RAD51B: variants seen among roughly 807,000 people sequenced by gnomAD.
The protein encoded by RAD51B is RAD51 paralog B.
A neutral mutation model predicts 42.2 loss-of-function variants in RAD51B; 38 were observed. The observed-to-expected ratio is 0.90, with a 90% CI of 0.70 to 1.18. The LOEUF is 1.18. Among genes scored for constraint, RAD51B ranks in the 50% most tolerant of loss-of-function variants. The pLI is 0.00. For missense variants in RAD51B, 373 were observed against 400.7 expected (o/e 0.93, Z 0.59); for synonymous variants, 154 against 145.2 (o/e 1.06, Z -0.43).
downstream of RAD51B, among the ~76,000 whole-genome samples, chr14:68,478,654 G>A (rs953248473): frequency 2.6e-5 from 4 of 152,244 alleles, no homozygotes; most frequent in African/African-American, 9.6e-5. Context: ...CAGGTTGTTA[G>A]TGACCTCAAG....
At chr14:67,889,230 T>C (rs555296771) in intron 7 of RAD51B, among the ~76,000 whole-genome samples, 90 of 151,972 alleles carry the variant, frequency 5.9e-4, no homozygotes, top group African/African-American at 2.1e-3. Context: ...TTTAAAAGGA[T>C]TTTGAAAAAT....
At chr14:68,456,051 A>G (rs2085678115) in intron 9 of RAD51B, among the ~76,000 whole-genome samples, 1 of 152,222 alleles carries the variant, frequency 6.6e-6, no homozygotes, top group African/African-American at 2.4e-5. Context: ...GGCAGCCTCT[A>G]AGAAAATAAC....
rs560836675 is a variant in RAD51B, at chr14:68,448,945, ATCTTCTAGGCTTTT to A, written c.958-19223_958-19210del. ...AGGGAAAATCCTCTAATGGTATATA[ATCTTCTAGGCTTTT>A]TCTATGCATATATCAAAATATTTAT... On this transcript the variant is annotated intron_variant, in intron 9 of 10. Coordinates refer to ENST00000471583, the MANE Select transcript of RAD51B (RefSeq NM_133510.4). Among the ~76,000 whole-genome samples the A allele has an allele frequency of 3.9e-3, 591 of 152,356 alleles. 1 individual carries two copies. The highest frequency in any genetic ancestry group is 0.013 in the African/African-American group (524 of 41,574).
At chr14:68,438,039 T>A (rs2085189793) in intron 9 of RAD51B, among the ~76,000 whole-genome samples, 1 of 151,854 alleles carries the variant, frequency 6.6e-6, no homozygotes, top group Admixed American at 6.6e-5. Context: ...TCGGGGAGGA[T>A]GGGGCCTGTA....
intron 10 of RAD51B, among the ~76,000 whole-genome samples, chr14:68,616,964 T>A (rs1168178688): frequency 6.6e-6 from 1 of 152,172 alleles, no homozygotes; most frequent in Non-Finnish European, 1.5e-5. Flanking sequence ...TTATGTATGT[T>A]TTTCTTAAAA....
At position 68,646,105 on chromosome 14, in the gene RAD51B, G is replaced by A. The variant is rs937059186; in HGVS notation, c.1037-4676G>A. On this transcript the variant is annotated intron_variant, in intron 10 of 11. Coordinates refer to the RAD51B transcript ENST00000488612. ...GCCAAATCTAGCAATCCAACCATAC[G>A]TACTATTCCCAGGAATGAAATTAAT... Among the ~76,000 whole-genome samples the A allele has an allele frequency of 4.6e-5, 7 of 151,288 alleles. No individual in the cohort carries two copies. The South Asian group carries it at 6.3e-4, about 14-fold the overall frequency.
chr14:68,652,914 C>G (rs1892731429), intron 11 of RAD51B, among the ~76,000 whole-genome samples: 1 of 152,234 alleles, frequency 6.6e-6, no homozygotes, highest in Non-Finnish European at 1.5e-5. Flanking sequence ...ACTGATACTT[C>G]TTAATCACAG....
rs148172656 is a variant in RAD51B at position 67,861,179 on chromosome 14, C to T, written c.316-3824C>T. The stretch of plus-strand genomic sequence containing the variant: ...CTGCACTCCAGCCTGGGTGACAGAG[C>T]GAGACCCTGTCACAAACCAAAACAA... On this transcript the variant is annotated intron_variant, in intron 4 of 10. Transcript: ENST00000471583. Among the ~76,000 whole-genome samples the T allele has an allele frequency of 8.5e-3, 1,280 of 150,216 alleles. 8 individuals carry two copies. Among genetic ancestry groups the T allele is most frequent in the Middle Eastern group, 0.014 (4 of 276 alleles).
intron 9 of RAD51B, among the ~76,000 whole-genome samples, chr14:68,419,570 T>A (rs2084646806): frequency 6.6e-6 from 1 of 152,178 alleles, no homozygotes; most frequent in Non-Finnish European, 1.5e-5. Flanking sequence ...AACTCCCCAG[T>A]CAAGTGACTT....
intron 8 of RAD51B, among the ~76,000 whole-genome samples, chr14:68,305,520 C>T (rs184467554): frequency 5.9e-5 from 9 of 152,328 alleles, no homozygotes; most frequent in Admixed American, 4.6e-4. Context: ...AAATCCAGAA[C>T]GTGAGGCCCA....
chr14:67,981,820 G>A (rs2075098523), intron 7 of RAD51B, among the ~76,000 whole-genome samples: 1 of 152,104 alleles, frequency 6.6e-6, no homozygotes, highest in Non-Finnish European at 1.5e-5. Context: ...GAGGAGAAAG[G>A]AATTACAAAG....
chr14:68,329,874 C>T (rs942051326), intron 8 of RAD51B, among the ~76,000 whole-genome samples: 2 of 150,248 alleles, frequency 1.3e-5, no homozygotes, highest in Non-Finnish European at 2.9e-5. Flanking sequence ...CCCAGCTACT[C>T]GGGAGGCTGA....
At chr14:68,108,542 A>G (rs374775769) in intron 7 of RAD51B, among the ~76,000 whole-genome samples, 2 of 151,984 alleles carry the variant, frequency 1.3e-5, no homozygotes, top group African/African-American at 4.8e-5. Context: ...CTTTTATACA[A>G]AATGTTCAGA....
At chr14:68,227,815 T>C (rs1444845871) in intron 7 of RAD51B, among the ~76,000 whole-genome samples, 1 of 152,182 alleles carries the variant, frequency 6.6e-6, no homozygotes, top group African/African-American at 2.4e-5. Flanking sequence ...CCTGTAAGTA[T>C]GATGGGCATG....
intron 7 of RAD51B, among the ~76,000 whole-genome samples, chr14:68,280,728 C>A (rs957508747): frequency 3.3e-5 from 5 of 152,118 alleles, no homozygotes; most frequent in African/African-American, 1.2e-4. Context: ...CATAAAAAGT[C>A]TTGTACTAAG....
intron 7 of RAD51B, among the ~76,000 whole-genome samples, chr14:68,191,093 T>A (rs137979226): frequency 6.6e-6 from 1 of 152,324 alleles, no homozygotes; most frequent in Non-Finnish European, 1.5e-5. Flanking sequence ...TATAAAAAAG[T>A]ACTTGTGTTA....
chr14:68,013,345 C>A (rs1293307732), intron 7 of RAD51B, among the ~76,000 whole-genome samples: 1 of 152,092 alleles, frequency 6.6e-6, no homozygotes, highest in Non-Finnish European at 1.5e-5. Context: ...TTCTATTTTG[C>A]TCTGTTGGCC....
At position 68,171,782 on chromosome 14, in the gene RAD51B, C is replaced by T. The variant is rs556248918; in HGVS notation, c.757-120102C>T. ...AGTGCAATGGGGCGATCTCGGTTCACTTTAACCTCTGCCTCCGGGGTTCAA... is the reference window on the plus strand; with the variant it reads ...AGTGCAATGGGGCGATCTCGGTTCATTTTAACCTCTGCCTCCGGGGTTCAA... On this transcript the variant is annotated intron_variant, in intron 7 of 10. Transcript: ENST00000471583. Among the ~76,000 whole-genome samples, 3 of 152,228 alleles carry T rather than the reference C, an allele frequency of 2.0e-5. No individual in the cohort carries two copies. The South Asian group carries it at 6.2e-4, about 32-fold the overall frequency.
chr14:68,062,302 T>C (rs1337101371), intron 7 of RAD51B, among the ~76,000 whole-genome samples: 1 of 152,168 alleles, frequency 6.6e-6, no homozygotes, highest in Non-Finnish European at 1.5e-5. Flanking sequence ...TTGTTAGTGT[T>C]TTATTGAGGA....
Sources: gnomAD v4.1 joint callset for allele counts (sites outside exome capture counted in the v4.1 genomes callset) on GRCh38, gnomAD v4.1.1 for gene constraint, MANE v1.5 for transcripts, NCBI Gene and HGNC (gene_info 2026-07-23, HGNC 2026-07-21) for gene names.